The following TSPAN8 variants were observed in gnomAD, a reference collection of about 807,000 sequenced individuals.
The protein encoded by TSPAN8 is tetraspanin 8.
Under a neutral mutation model 32.8 loss-of-function variants are expected in TSPAN8, and 21 were observed. The ratio of observed to expected loss-of-function variants is 0.64; its 90% CI spans 0.45 to 0.92. The LOEUF is 0.92. Among genes scored for constraint, TSPAN8 ranks in the 40% least tolerant of loss-of-function variants. The pLI is 0.00. For synonymous variants in TSPAN8, 95 were observed against 94.6 expected (o/e 1.00, Z -0.03); for missense variants, 269 against 281.9 (o/e 0.95, Z 0.33).
chr12:71,156,370 G>A (rs1424381863), intron 2 of TSPAN8, among the ~76,000 whole-genome samples: 1 of 151,158 alleles, frequency 6.6e-6, no homozygotes, highest in African/African-American at 2.4e-5. Flanking sequence ...AGTATCTCAA[G>A]GGAAGAAATG....
intron 2 of TSPAN8, among the ~76,000 whole-genome samples, chr12:71,155,376 G>A (rs1954314699): frequency 6.6e-6 from 1 of 151,976 alleles, no homozygotes; most frequent in Admixed American, 6.6e-5. Context: ...GAAAAAAAAA[G>A]GACCTTGAAT....
intron 2 of TSPAN8, among the ~76,000 whole-genome samples, chr12:71,147,567 T>C (rs921725769): frequency 4.6e-5 from 7 of 152,214 alleles, no homozygotes; most frequent in Non-Finnish European, 8.8e-5. Context: ...TCCATGATTA[T>C]AGGGAACAAG....
chr12:71,148,855 G>C (rs982327786), intron 2 of TSPAN8, among the ~76,000 whole-genome samples: 2 of 151,952 alleles, frequency 1.3e-5, no homozygotes, highest in Non-Finnish European at 2.9e-5. Flanking sequence ...ATCTCATCCC[G>C]TTGTTTTCCA....
chr12:71,138,853 C>G (rs546247526), intron 4 of TSPAN8, among the ~76,000 whole-genome samples: 188 of 152,218 alleles, frequency 1.2e-3, no homozygotes, highest in African/African-American at 4.3e-3. Flanking sequence ...AATAAACAAA[C>G]AGTTTTGAAC....
intron 4 of TSPAN8, 41 bp downstream of exon 4, chr12:71,139,670 A>G: frequency 1.2e-6 from 2 of 1,604,626 alleles, no homozygotes; most frequent in Non-Finnish European, 1.7e-6. Flanking sequence ...AATCCTCTGG[A>G]GTCTGAAGGT....
intron 2 of TSPAN8, among the ~76,000 whole-genome samples, chr12:71,153,968 C>G (rs1395059953): frequency 6.6e-6 from 1 of 152,134 alleles, no homozygotes; most frequent in African/African-American, 2.4e-5. Context: ...ATCAGAAAGA[C>G]TTGTCTCTGT....
intron 6 of TSPAN8, among the ~76,000 whole-genome samples, chr12:71,134,158 A>T (rs1433361007): frequency 6.6e-6 from 1 of 152,242 alleles, no homozygotes. Flanking sequence ...CAGATTTATC[A>T]TAAAGATAAA....
intron 2 of TSPAN8, among the ~76,000 whole-genome samples, chr12:71,145,880 A>T (rs1592407966): frequency 6.6e-6 from 1 of 152,184 alleles, no homozygotes; most frequent in South Asian, 2.1e-4. Flanking sequence ...TATGAGTAGC[A>T]TTCTTTCCTG....
chr12:71,143,522 G>A (rs1871975378), intron 3 of TSPAN8, among the ~76,000 whole-genome samples: 1 of 152,074 alleles, frequency 6.6e-6, no homozygotes, highest in Non-Finnish European at 1.5e-5. Flanking sequence ...AGGAAAATGG[G>A]TCATGTTCAT....
intron 2 of TSPAN8, among the ~76,000 whole-genome samples, chr12:71,148,832 C>T (rs1019043802): frequency 2.6e-5 from 4 of 152,124 alleles, no homozygotes; most frequent in Non-Finnish European, 5.9e-5. Context: ...ATATTTTATC[C>T]ATTTCCCTTT....
intron 2 of TSPAN8, among the ~76,000 whole-genome samples, chr12:71,149,889 G>A (rs1405970094): frequency 6.6e-6 from 1 of 152,108 alleles, no homozygotes; most frequent in Non-Finnish European, 1.5e-5. Context: ...CTGCCTGTGG[G>A]GTCGAGCAAA....
At chr12:71,141,241 C>T (rs528119154) in intron 3 of TSPAN8, among the ~76,000 whole-genome samples, 65 of 152,294 alleles carry the variant, frequency 4.3e-4, no homozygotes, top group African/African-American at 1.5e-3. Context: ...GATAATGTTT[C>T]AATTTACGTA....
chr12:71,130,654 C>A (rs1349461601), intron 7 of TSPAN8, among the ~76,000 whole-genome samples: 2 of 152,094 alleles, frequency 1.3e-5, no homozygotes, highest in African/African-American at 4.8e-5. Context: ...CCCTTCATTC[C>A]TGAATGTATT....
At chr12:71,127,215 G>T (rs142652084) in intron 8 of TSPAN8, among the ~76,000 whole-genome samples, 44 of 152,136 alleles carry the variant, frequency 2.9e-4, no homozygotes, top group African/African-American at 1.0e-3. Flanking sequence ...AAACAAAGAA[G>T]GGAGATAGGC....
intron 6 of TSPAN8, among the ~76,000 whole-genome samples, chr12:71,136,878 G>T (rs1219363831): frequency 1.3e-5 from 2 of 152,154 alleles, no homozygotes; most frequent in Admixed American, 6.5e-5. Flanking sequence ...GTTGTTGTGG[G>T]TATTAAATGA....
intron 2 of TSPAN8, among the ~76,000 whole-genome samples, chr12:71,154,332 T>C (rs1872355684): frequency 6.8e-6 from 1 of 147,158 alleles, no homozygotes; most frequent in Non-Finnish European, 1.5e-5. Flanking sequence ...ATAATAATAA[T>C]AATAATAATA....
intron 2 of TSPAN8, among the ~76,000 whole-genome samples, chr12:71,151,208 T>G (rs1872244329): frequency 6.6e-6 from 1 of 151,862 alleles, no homozygotes; most frequent in Admixed American, 6.6e-5. Flanking sequence ...GGACTACAGG[T>G]GTCAGCCACC....
intron 4 of TSPAN8, chr12:71,139,395 T>C (rs1285115292): frequency 2.0e-6 from 1 of 493,404 alleles, no homozygotes; most frequent in Admixed American, 3.3e-5. Flanking sequence ...TTATTAACCT[T>C]CCCTAGTAGG....
intron 2 of TSPAN8, among the ~76,000 whole-genome samples, chr12:71,144,801 G>C (rs769080499): frequency 2.0e-4 from 30 of 152,080 alleles, no homozygotes; most frequent in Non-Finnish European, 3.2e-4. Context: ...AGGTGGTAAA[G>C]TTTACTCACA....
Sources: gnomAD v4.1 joint callset for allele counts (sites outside exome capture counted in the v4.1 genomes callset) on GRCh38, gnomAD v4.1.1 for gene constraint, MANE v1.5 for transcripts, NCBI Gene and HGNC (gene_info 2026-07-23, HGNC 2026-07-21) for gene names.